RPS6KC1: variants seen among roughly 807,000 people sequenced by gnomAD.
RPS6KC1 encodes inactive ribosomal protein S6 kinase delta-1.
A neutral mutation model predicts 103.8 loss-of-function variants in RPS6KC1; 54 were observed. The ratio of observed to expected loss-of-function variants is 0.52; its 90% CI spans 0.42 to 0.65. The LOEUF (loss-of-function observed/expected upper bound fraction) is 0.65, where lower values mean the gene tolerates loss of function less well. RPS6KC1 is among the 30% of genes least tolerant of loss of function. The pLI is 0.00. For missense variants in RPS6KC1, 1,151 were observed against 1,253.8 expected (o/e 0.92, Z 1.24); for synonymous variants, 439 against 438.7 (o/e 1.00, Z -0.01).
At chr1:213,554,163 A>G in the RPS6KC1 span, among the ~76,000 whole-genome samples, 3 of 152,274 alleles carry the variant, frequency 2.0e-5, no homozygotes, top group South Asian at 6.2e-4. Context: ...TTTAGGTTTG[A>G]CATTTAAGTC....
the RPS6KC1 span, among the ~76,000 whole-genome samples, chr1:213,851,737 C>T: frequency 6.6e-6 from 1 of 152,124 alleles, no homozygotes; most frequent in African/African-American, 2.4e-5. Context: ...GTCGTCCCTC[C>T]CCCACCAAAT....
the RPS6KC1 span, among the ~76,000 whole-genome samples, chr1:213,603,887 A>T: frequency 2.0e-5 from 3 of 152,200 alleles, no homozygotes; most frequent in East Asian, 5.8e-4. Context: ...AAAAAGAGAA[A>T]AAAGAAAAAA....
the RPS6KC1 span, among the ~76,000 whole-genome samples, chr1:213,297,782 C>A: frequency 6.6e-6 from 1 of 152,040 alleles, no homozygotes; most frequent in African/African-American, 2.4e-5. Context: ...AGCTAATTTA[C>A]AAAAAATAAA....
chr1:213,504,596 C>A, the RPS6KC1 span, among the ~76,000 whole-genome samples: 5 of 152,164 alleles, frequency 3.3e-5, no homozygotes, highest in African/African-American at 1.2e-4. Flanking sequence ...GGGAGATAAA[C>A]TTTTAGAGTC....
chr1:213,817,463 T>C, the RPS6KC1 span, among the ~76,000 whole-genome samples: 1 of 152,244 alleles, frequency 6.6e-6, no homozygotes, highest in Non-Finnish European at 1.5e-5. Flanking sequence ...CATTCTCCAC[T>C]GCCAATTATT....
At chr1:213,074,843 ATTT>A (rs752747801) in intron 2 of RPS6KC1, among the ~76,000 whole-genome samples, 18 of 71,322 alleles carry the variant, frequency 2.5e-4, no homozygotes, top group African/African-American at 9.1e-4. Flanking sequence ...ACTAGAATAA[ATTT>A]TTTTTTTTTT....
At chr1:213,849,814 A>T in the RPS6KC1 span, among the ~76,000 whole-genome samples, 1 of 152,102 alleles carries the variant, frequency 6.6e-6, no homozygotes, top group Admixed American at 6.5e-5. Context: ...TTTTTCATGT[A>T]GCTTCTGCAA....
intron 6 of RPS6KC1, among the ~76,000 whole-genome samples, chr1:213,134,839 A>C (rs960283268): frequency 6.6e-6 from 1 of 152,138 alleles, no homozygotes; most frequent in African/African-American, 2.4e-5. Flanking sequence ...GTGGATACTG[A>C]AGGGCAACTG....
At chr1:213,234,712 A>G (rs1198134598) in intron 10 of RPS6KC1, among the ~76,000 whole-genome samples, 2 of 152,180 alleles carry the variant, frequency 1.3e-5, no homozygotes, top group Non-Finnish European at 2.9e-5. Flanking sequence ...GTTCAAGTGC[A>G]TTGGGAAACC....
chr1:213,805,250 T>G, the RPS6KC1 span, among the ~76,000 whole-genome samples: 7 of 152,190 alleles, frequency 4.6e-5, no homozygotes, highest in East Asian at 1.3e-3. Context: ...CAATGAAGTT[T>G]GCCACATCAA....
At chr1:213,059,516 TTATA>T (rs141404693) in intron 1 of RPS6KC1, among the ~76,000 whole-genome samples, 1 of 151,618 alleles carries the variant, frequency 6.6e-6, no homozygotes, top group South Asian at 2.1e-4. Context: ...TTTTATTTAT[TTATA>T]TATATATATT....
the RPS6KC1 span, among the ~76,000 whole-genome samples, chr1:213,536,198 G>T: frequency 1.3e-5 from 2 of 152,064 alleles, no homozygotes; most frequent in African/African-American, 4.8e-5. Flanking sequence ...GGCCCTTCAG[G>T]TCTGTTTATG....
At chr1:213,138,162 T>A (rs545851762) in intron 6 of RPS6KC1, among the ~76,000 whole-genome samples, 2 of 152,198 alleles carry the variant, frequency 1.3e-5, no homozygotes, top group South Asian at 4.1e-4. Flanking sequence ...AAAATAAACT[T>A]TACTTGGTTG....
the RPS6KC1 span, among the ~76,000 whole-genome samples, chr1:213,614,673 G>A: frequency 3.9e-5 from 6 of 152,150 alleles, no homozygotes; most frequent in African/African-American, 1.4e-4. Context: ...GCTCTTAGCA[G>A]CTGTTTCCTT....
chr1:213,715,820 A>C, the RPS6KC1 span, among the ~76,000 whole-genome samples: 1 of 152,194 alleles, frequency 6.6e-6, no homozygotes, highest in Non-Finnish European at 1.5e-5. Flanking sequence ...TCAGCCATTC[A>C]TTCTCCCTGT....
the RPS6KC1 span, among the ~76,000 whole-genome samples, chr1:213,527,437 T>G: frequency 6.6e-6 from 1 of 152,056 alleles, no homozygotes; most frequent in Non-Finnish European, 1.5e-5. Context: ...AGTGACAGAG[T>G]GTTTCCCAGA....
At chr1:213,237,900 T>C (rs1319878954) in intron 10 of RPS6KC1, among the ~76,000 whole-genome samples, 1 of 152,112 alleles carries the variant, frequency 6.6e-6, no homozygotes, top group Non-Finnish European at 1.5e-5. Flanking sequence ...TTAAGGTTAA[T>C]ATATGTCTTT....
the RPS6KC1 span, among the ~76,000 whole-genome samples, chr1:213,395,475 C>A: frequency 6.6e-6 from 1 of 152,310 alleles, no homozygotes; most frequent in East Asian, 1.9e-4. Flanking sequence ...TGTCCATCTG[C>A]TTCATTGCAT....
At chr1:213,220,046 ATATTTATAGG>A (rs893461071) in intron 8 of RPS6KC1, among the ~76,000 whole-genome samples, 14 of 152,156 alleles carry the variant, frequency 9.2e-5, no homozygotes. Context: ...AAAGTACTAA[ATATTTATAGG>A]TATGAATTGA....
Sources: allele counts gnomAD v4.1 joint callset (sites outside exome capture counted in the v4.1 genomes callset), GRCh38; gene constraint gnomAD v4.1.1; transcripts MANE v1.5; gene names NCBI Gene and HGNC (gene_info 2026-07-23, HGNC 2026-07-21).